The following SLC35F4 variants were observed in gnomAD, a reference collection of about 807,000 sequenced individuals.
SLC35F4 encodes chromosome 14 open reading frame 36.
SLC35F4 carries 24 observed loss-of-function variants against 44.2 expected under a neutral mutation model. The observed-to-expected ratio is 0.54, with a 90% CI of 0.39 to 0.76. The LOEUF is 0.76. Among genes scored for constraint, SLC35F4 ranks in the 30% least tolerant of loss-of-function variants. The pLI, the probability that SLC35F4 is intolerant of heterozygous loss-of-function variation, is 0.00. For synonymous variants in SLC35F4, 238 were observed against 223.6 expected (o/e 1.06, Z -0.57); for missense variants, 562 against 586.1 (o/e 0.96, Z 0.42).
intron 1 of SLC35F4, among the ~76,000 whole-genome samples, chr14:57,712,421 T>C (rs2075837217): frequency 6.6e-6 from 1 of 152,174 alleles, no homozygotes; most frequent in Admixed American, 6.6e-5. Flanking sequence ...ATCCTGCTAG[T>C]GAAAGGTAAA....
chr14:57,672,586 A>C (rs967179758), intron 1 of SLC35F4, among the ~76,000 whole-genome samples: 3 of 152,126 alleles, frequency 2.0e-5, no homozygotes, highest in Non-Finnish European at 4.4e-5. Context: ...ATGATTATAA[A>C]ATAACTGTCC....
intron 1 of SLC35F4, among the ~76,000 whole-genome samples, chr14:57,712,995 T>C (rs191470646): frequency 2.6e-5 from 4 of 152,306 alleles, no homozygotes; most frequent in Non-Finnish European, 5.9e-5. Flanking sequence ...CACATATTCA[T>C]TTTATAAGTC....
intron 1 of SLC35F4, among the ~76,000 whole-genome samples, chr14:57,908,291 C>A (rs1889148185): frequency 6.6e-6 from 1 of 152,096 alleles, no homozygotes; most frequent in South Asian, 2.1e-4. Context: ...GATCTATATT[C>A]CTTTGGGTAT....
At chr14:57,728,441 CTTTTTTT>C (rs869064667) in intron 1 of SLC35F4, among the ~76,000 whole-genome samples, 2 of 59,026 alleles carry the variant, frequency 3.4e-5, no homozygotes, top group African/African-American at 1.5e-4. Context: ...TTCTTTCTTT[CTTTTTTT>C]TTTTTTTTTT....
intron 1 of SLC35F4, among the ~76,000 whole-genome samples, chr14:57,692,387 T>C (rs541429846): frequency 6.6e-6 from 1 of 152,246 alleles, no homozygotes; most frequent in East Asian, 1.9e-4. Context: ...CTATAGCTAA[T>C]AGTCTATTGA....
chr14:57,697,166 T>A (rs768048474), intron 1 of SLC35F4, among the ~76,000 whole-genome samples: 2 of 152,170 alleles, frequency 1.3e-5, no homozygotes, highest in African/African-American at 4.8e-5. Context: ...TATGTTGTAT[T>A]TTTATTTTCA....
chr14:57,723,665 C>G (rs28801999), intron 1 of SLC35F4, among the ~76,000 whole-genome samples: 58,822 of 152,218 alleles, frequency 0.39, 11,448 homozygotes, highest in Non-Finnish European at 0.41. Flanking sequence ...TAAGGCCCAC[C>G]GGAAGTAATG....
chr14:57,726,312 C>A (rs911030492), intron 1 of SLC35F4, among the ~76,000 whole-genome samples: 11 of 152,070 alleles, frequency 7.2e-5, no homozygotes, highest in South Asian at 2.1e-4. Context: ...AGAAAAAAAA[C>A]CAGACTTGCT....
At position 57,593,052 on chromosome 14, in the gene SLC35F4, A is replaced by G. The variant is rs186763353; in HGVS notation, c.289+887T>C. Among the ~76,000 whole-genome samples, 9 of 152,338 alleles carry G rather than the reference A, an allele frequency of 5.9e-5. No homozygotes were observed. In the East Asian group the frequency reaches 1.7e-3, roughly 29 times the overall value. On this transcript the variant is annotated intron_variant, in intron 2 of 7. Transcript: ENST00000556826. ...GGGGGCTAAAATTGGAAAGGTAGAA[A>G]GACAATCATACCACAAGTCATCCCA...
intron 1 of SLC35F4, among the ~76,000 whole-genome samples, chr14:57,606,265 G>C (rs1466449726): frequency 1.3e-5 from 2 of 152,098 alleles, no homozygotes; most frequent in Non-Finnish European, 2.9e-5. Flanking sequence ...CTTTCTTTTA[G>C]GTGGCAAGAT....
chr14:57,809,709 T>C (rs1469584062), intron 1 of SLC35F4, among the ~76,000 whole-genome samples: 2 of 152,250 alleles, frequency 1.3e-5, no homozygotes, highest in Non-Finnish European at 2.9e-5. Flanking sequence ...TCCCTTAAAA[T>C]GACCATTATT....
chr14:57,585,344 AAAT>A (rs2069627916), intron 3 of SLC35F4, among the ~76,000 whole-genome samples: 1 of 152,166 alleles, frequency 6.6e-6, no homozygotes, highest in South Asian at 2.1e-4. Flanking sequence ...ATCTATCTCA[AAAT>A]AATAAGACCT....
chr14:57,584,979 A>G (rs1408120082), intron 3 of SLC35F4, among the ~76,000 whole-genome samples: 1 of 152,204 alleles, frequency 6.6e-6, no homozygotes, highest in Non-Finnish European at 1.5e-5. Flanking sequence ...AAATTTTACA[A>G]TGCAAGATCA....
In SLC35F4 at chr14:57,649,992, A is replaced by ACTCACCT. The variant is rs1473451767; in HGVS notation, c.104-55869_104-55868insAGGTGAG. On this transcript the variant is annotated intron_variant, in intron 1 of 7. Coordinates refer to ENST00000556826, the MANE Select transcript of SLC35F4 (RefSeq NM_001306087.2). ...ACTGGGTATATTGGACCTTTCCTTC[A>ACTCACCT]GTCTTTAAACACTCACCTCTCTTAG... Among the ~76,000 whole-genome samples, 96 of 152,106 alleles carry ACTCACCT rather than the reference A, an allele frequency of 6.3e-4. 2 individuals carry two copies. The East Asian group carries it at 8.7e-3, about 14-fold the overall frequency.
At chr14:57,680,689 A>G (rs998361158) in intron 1 of SLC35F4, among the ~76,000 whole-genome samples, 1 of 152,166 alleles carries the variant, frequency 6.6e-6, no homozygotes, top group African/African-American at 2.4e-5. Flanking sequence ...TACAAAATCC[A>G]TGTGCAAAAA....
chr14:57,767,452 T>C (rs915819572), intron 1 of SLC35F4, among the ~76,000 whole-genome samples: 1 of 152,160 alleles, frequency 6.6e-6, no homozygotes, highest in Non-Finnish European at 1.5e-5. Context: ...TTTTACATTA[T>C]GGATCAGAGA....
At chr14:57,666,772 T>A (rs1256255942) in intron 1 of SLC35F4, among the ~76,000 whole-genome samples, 3 of 151,658 alleles carry the variant, frequency 2.0e-5, no homozygotes, top group Non-Finnish European at 4.4e-5. Context: ...AAGAAAGCTA[T>A]CAGGGCAGTT....
intron 1 of SLC35F4, among the ~76,000 whole-genome samples, chr14:57,884,023 C>T (rs1468522286): frequency 1.3e-5 from 2 of 151,986 alleles, no homozygotes; most frequent in Admixed American, 6.6e-5. Flanking sequence ...CAATAAGAGC[C>T]GTGGATAAAA....
chr14:57,760,535 A>G (rs772563212), intron 1 of SLC35F4, among the ~76,000 whole-genome samples: 13 of 151,946 alleles, frequency 8.6e-5, no homozygotes, highest in Non-Finnish European at 8.8e-5. Context: ...TGTTTTTTCT[A>G]TCTCTATTGT....
Sources: allele counts gnomAD v4.1 joint callset (sites outside exome capture counted in the v4.1 genomes callset), GRCh38; gene constraint gnomAD v4.1.1; transcripts MANE v1.5; gene names NCBI Gene and HGNC (gene_info 2026-07-23, HGNC 2026-07-21).